Variants in ST6GALNAC5 observed in about 807,000 individuals in gnomAD.
ST6GALNAC5 encodes the protein alpha-N-acetylgalactosaminide alpha-2,6-sialyltransferase 5.
In ST6GALNAC5, 27 loss-of-function variants were observed where a neutral mutation model predicts 33.6. The ratio of observed to expected loss-of-function variants is 0.80; its 90% CI spans 0.59 to 1.11. The LOEUF (loss-of-function observed/expected upper bound fraction) is 1.11, where lower values mean the gene tolerates loss of function less well. Ranked by LOEUF, ST6GALNAC5 falls within the 50% of genes least tolerant of loss-of-function variation. The pLI is 0.00. For synonymous variants in ST6GALNAC5, 194 were observed against 171.2 expected, an observed-to-expected ratio of 1.13 and a Z score of -1.04; for missense variants, 428 against 454.0, an observed-to-expected ratio of 0.94 and a Z score of 0.52.
chr1:76,946,717 C>T (rs1647530112), intron 2 of ST6GALNAC5, among the ~76,000 whole-genome samples: 1 of 151,964 alleles, frequency 6.6e-6, no homozygotes, highest in Non-Finnish European at 1.5e-5. Flanking sequence ...AATTAATTCA[C>T]CTAAGAATTT....
At chr1:76,984,489 C>T (rs1290294683) in intron 2 of ST6GALNAC5, among the ~76,000 whole-genome samples, 1 of 152,066 alleles carries the variant, frequency 6.6e-6, no homozygotes, top group South Asian at 2.1e-4. Context: ...TCTGAATAGA[C>T]CAATAACAGG....
At chr1:77,054,826 T>C (rs902328788) in intron 4 of ST6GALNAC5, among the ~76,000 whole-genome samples, 32 of 152,184 alleles carry the variant, frequency 2.1e-4, no homozygotes, top group African/African-American at 7.2e-4. Flanking sequence ...AAACTAATTG[T>C]ACCCCCTAAA....
intron 2 of ST6GALNAC5, among the ~76,000 whole-genome samples, chr1:76,915,764 T>A (rs952760119): frequency 6.6e-6 from 1 of 151,300 alleles, no homozygotes; most frequent in African/African-American, 2.4e-5. Context: ...TAATGGGTGC[T>A]GCACACCAGC....
chr1:77,053,240 CATGAGCTCT>C (rs1253258495), intron 4 of ST6GALNAC5, among the ~76,000 whole-genome samples: 1 of 152,120 alleles, frequency 6.6e-6, no homozygotes, highest in Non-Finnish European at 1.5e-5. Context: ...GTACATGTAT[CATGAGCTCT>C]ATGGCTTAAG....
intron 2 of ST6GALNAC5, among the ~76,000 whole-genome samples, chr1:76,899,870 G>A (rs546620752): frequency 1.1e-4 from 16 of 152,324 alleles, no homozygotes; most frequent in Admixed American, 3.9e-4. Flanking sequence ...CTGGTTGGTC[G>A]GAGGACCAGA....
At chr1:76,963,212 A>G (rs1648315785) in intron 2 of ST6GALNAC5, among the ~76,000 whole-genome samples, 1 of 152,218 alleles carries the variant, frequency 6.6e-6, no homozygotes, top group Admixed American at 6.5e-5. Context: ...ACATTAAAGA[A>G]TGTGGCTAAA....
At chr1:77,060,056 A>G (rs1179435770) in intron 4 of ST6GALNAC5, 4 of 152,018 alleles carry the variant, frequency 2.6e-5, no homozygotes, top group African/African-American at 9.7e-5. Flanking sequence ...AAGCTCCCCA[A>G]CCGCACTAAA....
Position 76,967,728 on chromosome 1 carries a change from A to C in ST6GALNAC5, c.262-76476A>C, listed in dbSNP as rs560925239. ...TTTCTTGTGGGCAGTTAGTGCTATA[A>C]ATTTCCCTCTACACACTGCTTTAAA... On this transcript the variant is annotated intron_variant, in intron 2 of 4. Coordinates refer to ENST00000477717, the MANE Select transcript of ST6GALNAC5 (RefSeq NM_030965.3). Among the ~76,000 whole-genome samples the C allele has an allele frequency of 5.9e-5, 9 of 152,264 alleles. 1 individual carries two copies. The South Asian group carries it at 1.2e-3, about 21-fold the overall frequency.
chr1:76,986,966 A>G (rs1321306597), intron 2 of ST6GALNAC5, among the ~76,000 whole-genome samples: 1 of 152,140 alleles, frequency 6.6e-6, no homozygotes, highest in Non-Finnish European at 1.5e-5. Flanking sequence ...GAATTGAACA[A>G]TGAGATCAGT....
chr1:76,901,739 C>A (rs1190896551), intron 2 of ST6GALNAC5, among the ~76,000 whole-genome samples: 1 of 152,008 alleles, frequency 6.6e-6, no homozygotes, highest in Non-Finnish European at 1.5e-5. Context: ...AAATAAAATT[C>A]TGTTTATTCT....
intron 2 of ST6GALNAC5, among the ~76,000 whole-genome samples, chr1:76,915,344 T>C (rs1218872573): frequency 6.6e-6 from 1 of 152,042 alleles, no homozygotes; most frequent in Admixed American, 6.6e-5. Flanking sequence ...CATTACTGGG[T>C]ATATACCCAA....
chr1:76,990,638 C>T (rs2100395100), intron 2 of ST6GALNAC5, among the ~76,000 whole-genome samples: 1 of 152,274 alleles, frequency 6.6e-6, no homozygotes. Flanking sequence ...TCAACCTAAT[C>T]TTCCTGAATA....
Position 76,868,159 on chromosome 1 carries a change from G to C in ST6GALNAC5, c.16-338G>C, listed in dbSNP as rs185338710. 1.3e-5 allele frequency among the ~76,000 whole-genome samples: 2 copies of C among 152,144 alleles called. No individual in the cohort carries two copies. Among genetic ancestry groups the C allele is most frequent in the African/African-American group, 2.4e-5 (1 of 41,450 alleles). ...ACTCAAAATTCCAGCAGCTTGGCTG[G>C]GGTGGCTGCGCCAGACGGGCCCTTC... On this transcript the variant is annotated intron_variant, in intron 1 of 4. Transcript: ENST00000477717. This position sits in a 1 kb window ranked among gnomAD's most constrained non-coding sequence, Gnocchi z 4.3.
chr1:76,921,138 A>G (rs1647030833), intron 2 of ST6GALNAC5, among the ~76,000 whole-genome samples: 1 of 152,158 alleles, frequency 6.6e-6, no homozygotes, highest in African/African-American at 2.4e-5. Flanking sequence ...TAGCTTGAAG[A>G]TGAAAGAAAA....
chr1:76,931,003 G>A (rs1423609508), intron 2 of ST6GALNAC5, among the ~76,000 whole-genome samples: 1 of 152,058 alleles, frequency 6.6e-6, no homozygotes, highest in African/African-American at 2.4e-5. Context: ...TATGGCAAAG[G>A]GGATGGAATA....
In ST6GALNAC5 at chr1:77,066,668, C is replaced by A. The variant is rs1223171876; in HGVS notation, c.*3462C>A. On this transcript the variant is annotated 3_prime_UTR_variant, in exon 5 of 5. Transcript: ENST00000477717. Reference sequence around the variant, plus strand: ...GTTCAAATTGTTAAATAAACCTACTCTGAAAGAAGGGTCCATGTTCCTATT... The same window carrying A: ...GTTCAAATTGTTAAATAAACCTACTATGAAAGAAGGGTCCATGTTCCTATT... Among the ~76,000 whole-genome samples, 1 of 152,184 alleles carries A rather than the reference C, an allele frequency of 6.6e-6. No homozygotes were observed.
chr1:77,007,106 A>C (rs773825856), intron 2 of ST6GALNAC5, among the ~76,000 whole-genome samples: 2 of 152,330 alleles, frequency 1.3e-5, no homozygotes, highest in Admixed American at 6.5e-5. Flanking sequence ...GGCCAAGCCC[A>C]GTGTCAGTAT....
chr1:76,953,310 C>G (rs961080175), intron 2 of ST6GALNAC5, among the ~76,000 whole-genome samples: 15 of 152,126 alleles, frequency 9.9e-5, no homozygotes, highest in Non-Finnish European at 2.9e-5. Flanking sequence ...TATGAGAGAT[C>G]AAGCTTCTCT....
chr1:76,900,702 T>G (rs1646809452), intron 2 of ST6GALNAC5, among the ~76,000 whole-genome samples: 1 of 152,202 alleles, frequency 6.6e-6, no homozygotes. Flanking sequence ...AATCATTATC[T>G]TTTAAAATTT....
Sources: gnomAD v4.1 joint callset for allele counts (sites outside exome capture counted in the v4.1 genomes callset) on GRCh38, gnomAD v4.1.1 for gene constraint, Gnocchi (gnomAD v3.1) non-coding constraint, MANE v1.5 for transcripts, NCBI Gene and HGNC (gene_info 2026-07-23, HGNC 2026-07-21) for gene names.